Variants in TIMP3 observed in about 807,000 individuals in gnomAD.
TIMP3 encodes the protein TIMP metallopeptidase inhibitor 3.
Under a neutral mutation model 30.0 loss-of-function variants are expected in TIMP3, and 11 were observed. The ratio of observed to expected loss-of-function variants is 0.37; its 90% confidence interval spans 0.23 to 0.61. The LOEUF is 0.61. Ranked by LOEUF, TIMP3 falls within the 20% of genes least tolerant of loss-of-function variation. TIMP3 has a pLI of 0.70. For missense variants in TIMP3, 181 were observed against 276.8 expected (o/e 0.65, Z 2.45); for synonymous variants, 112 against 111.3 (o/e 1.01, Z -0.04).
chr22:32,836,819 C>T (rs949473233), intron 1 of TIMP3, among the ~76,000 whole-genome samples: 3 of 152,178 alleles, frequency 2.0e-5, no homozygotes, highest in African/African-American at 7.2e-5. Flanking sequence ...TTAAAAGCCA[C>T]ATGAAGGGTA....
chr22:32,833,178 A>G (rs550740779), intron 1 of TIMP3, among the ~76,000 whole-genome samples: 1 of 152,236 alleles, frequency 6.6e-6, no homozygotes, highest in African/African-American at 2.4e-5. Context: ...GGCTCCTGGG[A>G]AATTTGCATT....
intron 2 of TIMP3, among the ~76,000 whole-genome samples, chr22:32,850,148 T>C (rs2048178895): frequency 6.6e-6 from 1 of 150,932 alleles, no homozygotes; most frequent in African/African-American, 2.4e-5. Flanking sequence ...TCATTAAACA[T>C]ATTACTGAGG....
chr22:32,857,743 A>G (rs1184303398), intron 3 of TIMP3, among the ~76,000 whole-genome samples: 3 of 152,160 alleles, frequency 2.0e-5, no homozygotes, highest in African/African-American at 7.2e-5. Flanking sequence ...TTATAAAGGG[A>G]GTGAAGAGTT....
intron 1 of TIMP3, among the ~76,000 whole-genome samples, chr22:32,814,227 G>GA (rs1246463192): frequency 2.6e-4 from 32 of 123,078 alleles, no homozygotes; most frequent in Admixed American, 6.0e-4. Flanking sequence ...AGGAAAGAAA[G>GA]AAAAAAAAAG....
chr22:32,832,454 T>C (rs576956905), intron 1 of TIMP3, among the ~76,000 whole-genome samples: 45 of 151,326 alleles, frequency 3.0e-4, no homozygotes, highest in African/African-American at 1.1e-3. Flanking sequence ...AGAAAATGAA[T>C]GGAAAAAAAC....
In TIMP3 at chr22:32,859,342, C is replaced by G. The variant is rs1337907303; in HGVS notation, c.601C>G (p.Pro201Ala). 6.2e-7 allele frequency: 1 copy of G among 1,613,164 alleles called. No homozygotes were observed. The highest frequency in any genetic ancestry group is 8.5e-7 in the Non-Finnish European group (1 of 1,180,020). Residue 201 changes from proline to alanine, a missense_variant, in exon 5 of 5, where the codon CCG (proline) becomes GCG (alanine). Coordinates refer to ENST00000266085, the MANE Select transcript of TIMP3 (RefSeq NM_000362.5). The part of the protein sequence containing the change: ...YCSWYRGWAP[P>A]DKSIINATDP ...CAGCTGGTACCGAGGATGGGCCCCC[C>G]CGGATAAAAGCATCATCAATGCCAC...
chr22:32,849,836 G>C (rs750686281), intron 2 of TIMP3, among the ~76,000 whole-genome samples: 13 of 152,064 alleles, frequency 8.5e-5, no homozygotes, highest in Non-Finnish European at 1.9e-4. Context: ...ATGAGACCTT[G>C]GTCAAGTCAC....
At chr22:32,813,561 G>C (rs1458537624) in intron 1 of TIMP3, among the ~76,000 whole-genome samples, 33 of 151,438 alleles carry the variant, frequency 2.2e-4, no homozygotes, top group Admixed American at 2.2e-3. Flanking sequence ...ACATGTCCAT[G>C]GGCCAGATTC....
chr22:32,851,926 G>A (rs994161864), intron 2 of TIMP3, among the ~76,000 whole-genome samples: 4 of 152,142 alleles, frequency 2.6e-5, no homozygotes, highest in Non-Finnish European at 5.9e-5. Flanking sequence ...AGAAGTAATA[G>A]TCCGTCCATC....
chr22:32,852,452 A>AAG (rs573424402), intron 2 of TIMP3, among the ~76,000 whole-genome samples: 217 of 152,252 alleles, frequency 1.4e-3, no homozygotes, highest in Non-Finnish European at 2.4e-3. Flanking sequence ...TGTAGGAGGG[A>AAG]AGAGAGAGAG....
rs1470984259 is a variant in TIMP3 at position 32,802,006 on chromosome 22, C to T, written c.5C>T (p.Thr2Ile). 4 of 1,583,378 alleles carry T rather than the reference C, an allele frequency of 2.5e-6. No individual in the cohort carries two copies. The South Asian group carries it at 4.6e-5, about 18-fold the overall frequency. Reference protein sequence around the residue: MTPWLGLIVLLG... With the variant: MIPWLGLIVLLG... Reference sequence around the variant, plus strand: ...GCAGCGGCGGCAGCAGCGGCAATGACCCCTTGGCTCGGGCTCATCGTGCTC... The same window carrying T: ...GCAGCGGCGGCAGCAGCGGCAATGATCCCTTGGCTCGGGCTCATCGTGCTC... The change falls in exon 1 of 5, where the codon ACC becomes ATC. Residue 2 changes from threonine (T) to isoleucine (I), a missense_variant. Around this residue, in one of 3 missense-constraint regions of TIMP3, gnomAD observed 71 missense variants for 79.7 expected, o/e 0.89. Coordinates refer to ENST00000266085, the MANE Select transcript of TIMP3 (RefSeq NM_000362.5).
In TIMP3 at chr22:32,837,905, C is replaced by G. The variant is rs2047780587; in HGVS notation, c.122-11547C>G. ...CTGTCTCTCCAATGGGCTGGACTCT[C>G]CAGCCTCCGGGCCTCTGCCCAACCA... On this transcript the variant is annotated intron_variant, in intron 1 of 4. Transcript: ENST00000266085. The surrounding 1 kb of genome is among the most constrained non-coding windows in gnomAD (Gnocchi z 4.1). Among the ~76,000 whole-genome samples the G allele has an allele frequency of 6.6e-6, 1 of 152,208 alleles. No homozygotes were observed. Among genetic ancestry groups the G allele is most frequent in the African/African-American group, 2.4e-5 (1 of 41,454 alleles).
intron 1 of TIMP3, among the ~76,000 whole-genome samples, chr22:32,834,868 C>A (rs548937843): frequency 3.3e-5 from 5 of 152,146 alleles, no homozygotes; most frequent in Non-Finnish European, 5.9e-5. Context: ...GTGGAACAGT[C>A]CTAAAGAATC....
chr22:32,806,550 AG>A (rs1327060662), intron 1 of TIMP3, among the ~76,000 whole-genome samples: 1 of 152,154 alleles, frequency 6.6e-6, no homozygotes, highest in African/African-American at 2.4e-5. Context: ...GGCAATGGGG[AG>A]GGCAGATCTG....
intron 1 of TIMP3, among the ~76,000 whole-genome samples, chr22:32,840,686 G>A (rs113966401): frequency 6.6e-6 from 1 of 152,038 alleles, no homozygotes; most frequent in Non-Finnish European, 1.5e-5. Context: ...TTCCTCCTCT[G>A]GATTCAGACG....
chr22:32,842,507 A>G (rs1320014627), intron 1 of TIMP3, among the ~76,000 whole-genome samples: 1 of 152,212 alleles, frequency 6.6e-6, no homozygotes, highest in African/African-American at 2.4e-5. Context: ...CTGAATCACA[A>G]GAATCTTTCG....
rs1252926319 is a variant in TIMP3, at chr22:32,859,290, C to T, written c.549C>T (p.Ala183=). 1.2e-6 allele frequency: 2 copies of T among 1,614,076 alleles called. No individual in the cohort carries two copies. The highest frequency in any genetic ancestry group is 2.2e-5 in the East Asian group (1 of 44,890). Reference sequence around the variant, plus strand: ...CTGGCTACCAGTCCAAACACTACGCCTGCATCCGGCAGAAGGGCGGCTACT... The same window carrying T: ...CTGGCTACCAGTCCAAACACTACGCTTGCATCCGGCAGAAGGGCGGCTACT... ...GYPGYQSKHY[A]CIRQKGGYCS... Residue 183 remains alanine, a synonymous_variant, in exon 5 of 5, where the codon GCC becomes GCT. Coordinates refer to ENST00000266085, the MANE Select transcript of TIMP3 (RefSeq NM_000362.5).
intron 1 of TIMP3, among the ~76,000 whole-genome samples, chr22:32,824,819 C>T (rs774390419): frequency 6.6e-6 from 1 of 152,172 alleles, no homozygotes; most frequent in Non-Finnish European, 1.5e-5. Context: ...TTTGCATTCA[C>T]TCTCTGACCA....
chr22:32,835,249 T>C (rs991786571), intron 1 of TIMP3, among the ~76,000 whole-genome samples: 1 of 152,212 alleles, frequency 6.6e-6, no homozygotes. Flanking sequence ...ATGTCTTATT[T>C]CACCCACTGA....
Sources: allele counts gnomAD v4.1 joint callset (sites outside exome capture counted in the v4.1 genomes callset), GRCh38; gene constraint gnomAD v4.1.1; regional missense constraint gnomAD v4.1.1; non-coding constraint Gnocchi (gnomAD v3.1); transcripts MANE v1.5; gene names NCBI Gene and HGNC (gene_info 2026-07-23, HGNC 2026-07-21).